Variants in FHDC1 observed in about 807,000 individuals in gnomAD.
FHDC1 encodes FH2 domain containing 1.
A neutral mutation model predicts 52.6 loss-of-function variants in FHDC1; 25 were observed. The ratio of observed to expected loss-of-function variants is 0.48; its 90% CI spans 0.35 to 0.66. The LOEUF is 0.66. Among genes scored for constraint, FHDC1 ranks in the 30% least tolerant of loss-of-function variants. The probability of loss-of-function intolerance (pLI) is 0.01; values close to 1 mark genes in which losing one functional copy is unlikely to be tolerated. For missense variants in FHDC1, 1,459 were observed against 1,452.8 expected, an observed-to-expected ratio of 1.00 and a Z score of -0.07; for synonymous variants, 616 against 581.5, an observed-to-expected ratio of 1.06 and a Z score of -0.85.
In FHDC1 at chr4:152,969,039, T is replaced by C. The variant is rs565215006; in HGVS notation, c.1218+942T>C. On this transcript the variant is annotated intron_variant, in intron 10 of 11. Transcript: ENST00000511601. ...TGGACATGTTTGTGACAGCTCACTG[T>C]GACTCACTAATCGCATAGTCTGACA... Among the ~76,000 whole-genome samples, 16 of 151,900 alleles carry C rather than the reference T, an allele frequency of 1.1e-4. No homozygotes were observed. The East Asian group carries it at 2.9e-3, about 28-fold the overall frequency.
chr4:152,975,072 A>G lies in FHDC1; in HGVS notation c.1781A>G (p.Gln594Arg). 2 of 1,612,422 alleles carry G rather than the reference A, an allele frequency of 1.2e-6. No homozygotes were observed. The highest frequency in any genetic ancestry group is 1.1e-5 in the South Asian group (1 of 91,066). ...CTGGAGCCTGCAGAAGTGAGGCACC[A>G]GGACTCCAGCTTTGCACACAAACCT... ...ACLEPAEVRH[Q>R]DSSFAHKPQA... Residue 594 changes from glutamine (Q) to arginine (R), a missense_variant, in exon 12 of 12, where the codon CAG becomes CGG. By Grantham distance (43) the Gln-to-Arg change is conservative. Transcript: ENST00000511601.
intron 4 of FHDC1, among the ~76,000 whole-genome samples, chr4:152,956,966 G>A (rs1241406353): frequency 6.6e-6 from 1 of 152,172 alleles, no homozygotes; most frequent in Non-Finnish European, 1.5e-5. Flanking sequence ...CTCGGGGAAA[G>A]CCGAAGCCGC....
At position 152,968,389 on chromosome 4, in the gene FHDC1, G is replaced by A. The variant is rs182419247; in HGVS notation, c.1218+292G>A. Among the ~76,000 whole-genome samples, 15 of 151,726 alleles carry A rather than the reference G, an allele frequency of 9.9e-5. No homozygotes were observed. The East Asian group carries it at 1.7e-3, about 18-fold the overall frequency. On this transcript the variant is annotated intron_variant, in intron 10 of 11. Coordinates refer to ENST00000511601, the MANE Select transcript of FHDC1 (RefSeq NM_001371116.1). ...CACCCAGGCTGGAGTATAATGGTGC[G>A]ATCTCGGCAAACTGCAACCTCCGCC...
At chr4:152,942,697 T>C (rs1739607732) in intron 1 of FHDC1, among the ~76,000 whole-genome samples, 1 of 152,214 alleles carries the variant, frequency 6.6e-6, no homozygotes, top group African/African-American at 2.4e-5. Context: ...TTGATTAATA[T>C]AAGGTTTCCA....
chr4:152,964,722 T>C (rs1740407682), intron 8 of FHDC1, among the ~76,000 whole-genome samples, 183 bp from the exon 9 acceptor site: 1 of 152,216 alleles, frequency 6.6e-6, no homozygotes, highest in South Asian at 2.1e-4. Flanking sequence ...AAATGTATCT[T>C]GAGAGTAGGA....
chr4:152,935,469 T>C (rs1291360769), upstream of FHDC1, among the ~76,000 whole-genome samples: 1 of 151,840 alleles, frequency 6.6e-6, no homozygotes, highest in East Asian at 1.9e-4. Flanking sequence ...AAAAAAAAAA[T>C]GTGATTAAAT....
At chr4:152,971,194 A>C (rs1205035725) in intron 10 of FHDC1, among the ~76,000 whole-genome samples, 2 of 151,868 alleles carry the variant, frequency 1.3e-5, no homozygotes, top group African/African-American at 4.8e-5. Flanking sequence ...TGTCTCTACA[A>C]AATATTTAAA....
chr4:152,925,335 T>G, the FHDC1 span, among the ~76,000 whole-genome samples: 1 of 152,322 alleles, frequency 6.6e-6, no homozygotes, highest in Admixed American at 6.5e-5. Flanking sequence ...TTTAGGTTCA[T>G]AAGACCTTTT....
chr4:152,933,114 G>C (rs1739278668), upstream of FHDC1, among the ~76,000 whole-genome samples: 2 of 152,182 alleles, frequency 1.3e-5, no homozygotes, highest in Admixed American at 1.3e-4. Flanking sequence ...GGTTTGGCCT[G>C]GTTGGAAAAG....
At chr4:152,934,871 G>A (rs1415796354), upstream of FHDC1, among the ~76,000 whole-genome samples, 1 of 152,140 alleles carries the variant, frequency 6.6e-6, no homozygotes, top group East Asian at 1.9e-4. Context: ...GAGGAGGGAG[G>A]AGTAGGCAAG....
intron 6 of FHDC1, among the ~76,000 whole-genome samples, chr4:152,961,179 T>G (rs1042241109): frequency 6.6e-6 from 1 of 152,186 alleles, no homozygotes; most frequent in Admixed American, 6.5e-5. Context: ...ATGTGTGGTG[T>G]GGGCTGTGCA....
intron 1 of FHDC1, among the ~76,000 whole-genome samples, chr4:152,939,312 A>G (rs1233825290): frequency 6.6e-6 from 1 of 151,876 alleles, no homozygotes; most frequent in Non-Finnish European, 1.5e-5. Context: ...GTGTGTGTGT[A>G]TTTTAGTAGA....
the FHDC1 span, among the ~76,000 whole-genome samples, chr4:152,928,796 A>G: frequency 1.3e-5 from 2 of 151,982 alleles, no homozygotes; most frequent in Non-Finnish European, 2.9e-5. Context: ...CACACTTGGC[A>G]TGCACTGTGA....
chr4:152,955,333 A>G (rs1740051115), intron 4 of FHDC1, among the ~76,000 whole-genome samples: 1 of 152,194 alleles, frequency 6.6e-6, no homozygotes, highest in Non-Finnish European at 1.5e-5. Context: ...CCAGAAAAAC[A>G]GTTGTATAAA....
chr4:152,912,842 TTAGGGTCCAGG>T, the FHDC1 span, among the ~76,000 whole-genome samples: 1 of 152,184 alleles, frequency 6.6e-6, no homozygotes, highest in Non-Finnish European at 1.5e-5. Flanking sequence ...CTTCCAAATC[TTAGGGTCCAGG>T]AACTATCTGG....
intron 11 of FHDC1, 24 bp from the exon 12 acceptor site, chr4:152,974,651 T>G (rs1579106115): frequency 6.6e-7 from 1 of 1,504,020 alleles, no homozygotes; most frequent in East Asian, 2.3e-5. Context: ...CTCATGCATC[T>G]TCGGGCTTCT....
upstream of FHDC1, among the ~76,000 whole-genome samples, chr4:152,932,373 G>T (rs1477337961): frequency 6.6e-6 from 1 of 151,506 alleles, no homozygotes; most frequent in African/African-American, 2.4e-5. Flanking sequence ...CTGTACTCTA[G>T]CCTGGGCAAC....
chr4:152,914,275 TGCGCATAAA>T, the FHDC1 span, among the ~76,000 whole-genome samples: 2 of 152,230 alleles, frequency 1.3e-5, no homozygotes, highest in African/African-American at 4.8e-5. Context: ...CAACAGATTT[TGCGCATAAA>T]TGGGCCTTTA....
At chr4:152,917,533 A>T in the FHDC1 span, among the ~76,000 whole-genome samples, 1 of 152,332 alleles carries the variant, frequency 6.6e-6, no homozygotes, top group East Asian at 1.9e-4. Context: ...CCCATCTCAG[A>T]TAAGAACAAA....
Sources: gnomAD v4.1 joint callset for allele counts (sites outside exome capture counted in the v4.1 genomes callset) on GRCh38, gnomAD v4.1.1 for gene constraint, MANE v1.5 for transcripts, NCBI Gene and HGNC (gene_info 2026-07-23, HGNC 2026-07-21) for gene names.